Variants in SLC9C1 observed in about 807,000 individuals in gnomAD.
SLC9C1 encodes solute carrier family 9 member C1.
SLC9C1 carries 97 observed loss-of-function variants against 140.9 expected under a neutral mutation model. The observed-to-expected ratio is 0.69, with a 90% CI of 0.58 to 0.82. The LOEUF (loss-of-function observed/expected upper bound fraction) is 0.82. SLC9C1 is among the 40% of genes least tolerant of loss of function. SLC9C1 has a pLI of 0.00. For synonymous variants in SLC9C1, 440 were observed against 442.6 expected (o/e 0.99, Z 0.07); for missense variants, 1,340 against 1,389.3 (o/e 0.96, Z 0.56).
chr3:112,199,838 G>A (rs549689675), intron 19 of SLC9C1, among the ~76,000 whole-genome samples: 1 of 152,100 alleles, frequency 6.6e-6, no homozygotes, highest in Non-Finnish European at 1.5e-5. Context: ...TTTAACTACA[G>A]ATGATTTTGT....
chr3:112,237,197 C>G (rs1001843300), intron 12 of SLC9C1, among the ~76,000 whole-genome samples: 1 of 152,124 alleles, frequency 6.6e-6, no homozygotes, highest in African/African-American at 2.4e-5. Context: ...TTTTGTTGAA[C>G]TGATCCCTTT....
At chr3:112,191,207 C>T (rs1279631695) in intron 20 of SLC9C1, among the ~76,000 whole-genome samples, 1 of 152,054 alleles carries the variant, frequency 6.6e-6, no homozygotes, top group Non-Finnish European at 1.5e-5. Context: ...TCTTCTCATG[C>T]CTAACTGCTG....
intron 3 of SLC9C1, 122 bp downstream of exon 3, chr3:112,280,561 C>T: frequency 1.2e-6 from 1 of 802,460 alleles, no homozygotes; most frequent in South Asian, 1.9e-5. Flanking sequence ...AGCCACATCA[C>T]AATCATCTAT....
chr3:112,238,125 G>A (rs983133368), intron 12 of SLC9C1, among the ~76,000 whole-genome samples: 3 of 152,114 alleles, frequency 2.0e-5, no homozygotes, highest in African/African-American at 7.2e-5. Context: ...TTTTCACATA[G>A]TCCCATATTT....
At chr3:112,222,553 C>G (rs2078570760) in intron 13 of SLC9C1, among the ~76,000 whole-genome samples, 2 of 152,002 alleles carry the variant, frequency 1.3e-5, no homozygotes, top group African/African-American at 2.4e-5. Flanking sequence ...TAGAATATCA[C>G]AAGCGAAAAA....
At chr3:112,290,933 C>T (rs545478506) in intron 1 of SLC9C1, among the ~76,000 whole-genome samples, 24 of 150,434 alleles carry the variant, frequency 1.6e-4, no homozygotes, top group African/African-American at 5.9e-4. Flanking sequence ...CCATTTCTTT[C>T]GATCTTGCAT....
rs117320284 is a variant in SLC9C1, at chr3:112,291,768, T to A, written c.-88+2325A>T. Among the ~76,000 whole-genome samples the A allele has an allele frequency of 5.8e-3, 883 of 152,228 alleles. 36 individuals carry two copies. Among genetic ancestry groups the A allele is most frequent in the Admixed American group, 0.042 (635 of 15,282 alleles). On this transcript the variant is annotated intron_variant, in intron 1 of 28. Transcript: ENST00000305815. ...TTGACCCAGCAATCCCATTACGGGG[T>A]ATAAACACAAAGAAATGTAAACTGT...
chr3:112,189,713 C>T lies in SLC9C1; in HGVS notation c.2524-7455G>A, dbSNP rs13070891. Among the ~76,000 whole-genome samples, 1,149 of 152,184 alleles carry T rather than the reference C, an allele frequency of 7.6e-3. 20 individuals carry two copies. Among genetic ancestry groups the T allele is most frequent in the African/African-American group, 0.026 (1,071 of 41,500 alleles). ...TTGGCTTAGGATTGTCTTAGCAATGCGGGCTCTTTTTTGGTTCCATATGGA... is the reference window on the plus strand; with the variant it reads ...TTGGCTTAGGATTGTCTTAGCAATGTGGGCTCTTTTTTGGTTCCATATGGA... On this transcript the variant is annotated intron_variant, in intron 20 of 28. Transcript: ENST00000305815.
intron 23 of SLC9C1, among the ~76,000 whole-genome samples, chr3:112,177,659 A>G (rs1048407863): frequency 1.3e-5 from 2 of 149,678 alleles, no homozygotes; most frequent in Admixed American, 6.7e-5. Context: ...AAGTTTACCT[A>G]TATAACAAAC....
intron 23 of SLC9C1, among the ~76,000 whole-genome samples, chr3:112,174,505 G>A (rs905931374): frequency 6.6e-6 from 1 of 152,160 alleles, no homozygotes; most frequent in East Asian, 1.9e-4. Context: ...AGGGAGCGGG[G>A]GTGCAGTTGT....
At position 112,208,187 on chromosome 3, in the gene SLC9C1, T is replaced by C. The variant is rs745614837; in HGVS notation, c.1977A>G (p.Ala659=). The change falls in exon 16 of 29, where the codon GCA becomes GCG. Residue 659 remains alanine (A), a synonymous_variant. Transcript: ENST00000305815. ...ATAAATTTTAGATTACCTTAAGTAG[T>C]GCCTCTAGAATATAAAGTGTAAGAA... is the stretch of plus-strand genomic sequence containing the variant. ...YCFLTLYILE[A]LLKIAAMRKD... is the part of the protein sequence containing the mutation. 3.7e-6 allele frequency: 6 copies of C among 1,602,070 alleles called. No homozygotes were observed. The highest frequency in any genetic ancestry group is 5.1e-6 in the Non-Finnish European group (6 of 1,175,344).
At position 112,292,989 on chromosome 3, in the gene SLC9C1, CT is replaced by C. The variant is rs754974835; in HGVS notation, c.-88+1103del. Among the ~76,000 whole-genome samples, 78 of 78,016 alleles carry C rather than the reference CT, an allele frequency of 1.0e-3. 1 individual carries two copies. Among genetic ancestry groups the C allele is most frequent in the Non-Finnish European group, 1.9e-3 (66 of 33,988 alleles). The allele number at this position is 78,016 out of a possible 152,430, so 51.2% of individuals were successfully genotyped here. Reference sequence around the variant, plus strand: ...ATTAATTTAACAATAAGTTAGTTGACTGAGCACAGTGGCTCACGCCTGTAAT... The same window carrying C: ...ATTAATTTAACAATAAGTTAGTTGACGAGCACAGTGGCTCACGCCTGTAAT... On this transcript the variant is annotated intron_variant, in intron 1 of 28. Coordinates refer to ENST00000305815, the MANE Select transcript of SLC9C1 (RefSeq NM_183061.3).
At chr3:112,205,546 AAAC>A (rs1295020555) in intron 16 of SLC9C1, among the ~76,000 whole-genome samples, 1 of 86,254 alleles carries the variant, frequency 1.2e-5, no homozygotes, top group Non-Finnish European at 2.5e-5. Context: ...GAATTGGAAA[AAAC>A]TACTTTAAAG....
chr3:112,293,384 G>A (rs1383215794), intron 1 of SLC9C1, among the ~76,000 whole-genome samples: 1 of 152,100 alleles, frequency 6.6e-6, no homozygotes, highest in Non-Finnish European at 1.5e-5. Flanking sequence ...ATTTGTCCTT[G>A]TCAGTCAGCC....
At chr3:112,159,027 C>G (rs1256941704) in intron 26 of SLC9C1, among the ~76,000 whole-genome samples, 1 of 150,386 alleles carries the variant, frequency 6.6e-6, no homozygotes, top group African/African-American at 2.4e-5. Flanking sequence ...ATTATTTATT[C>G]TCTTCTACTA....
intron 8 of SLC9C1, among the ~76,000 whole-genome samples, chr3:112,265,368 C>T (rs2079888568): frequency 2.6e-5 from 4 of 152,076 alleles, no homozygotes; most frequent in Admixed American, 2.6e-4. Context: ...ATTCTTCCCT[C>T]AGCTGTGGTC....
In SLC9C1 at chr3:112,168,911, C is replaced by G. The variant is rs1338816873; in HGVS notation, c.3203G>C (p.Arg1068Thr). 3.1e-6 allele frequency: 5 copies of G among 1,601,480 alleles called. No homozygotes were observed. The highest frequency in any genetic ancestry group is 3.4e-6 in the Non-Finnish European group (4 of 1,176,288). ...TGTTATAGGAATTAAGAAAGGTGCTCTATAAGTTTTTCGTAACAGACAATC... is the reference window on the plus strand; with the variant it reads ...TGTTATAGGAATTAAGAAAGGTGCTGTATAAGTTTTTCGTAACAGACAATC... ...VEDCLLRKTY[R>T]APFLIPITCH... The change falls in exon 25 of 29, where the codon AGA becomes ACA. Residue 1068 changes from arginine (R) to threonine (T), a missense_variant. Transcript: ENST00000305815.
Position 112,277,844 on chromosome 3 carries a change from A to G in SLC9C1, c.335T>C (p.Ile112Thr). The change falls in exon 5 of 29, where the codon ATT (isoleucine) becomes ACT (threonine). Residue 112 changes from isoleucine to threonine, a missense_variant. Physicochemically the swap from Ile to Thr is moderately conservative, Grantham distance 89. Transcript: ENST00000305815. ...KLFWQILLIS[I>T]PGFLVNYILV... is the part of the protein sequence containing the mutation. ...GATATAATTAACCAAAAAGCCGGGA[A>G]TTGAAATTAAAAGTATCTGCAAAGA... The G allele has an allele frequency of 6.3e-7, 1 of 1,596,854 alleles. No homozygotes were observed. Among genetic ancestry groups the G allele is most frequent in the African/African-American group, 1.4e-5 (1 of 73,818 alleles).
intron 26 of SLC9C1, among the ~76,000 whole-genome samples, chr3:112,165,096 T>G (rs936712219): frequency 2.0e-5 from 3 of 152,232 alleles, no homozygotes; most frequent in African/African-American, 4.8e-5. Context: ...CATCACGTAG[T>G]TCTTGTGCCA....
Sources: allele counts gnomAD v4.1 joint callset (sites outside exome capture counted in the v4.1 genomes callset), GRCh38; gene constraint gnomAD v4.1.1; transcripts MANE v1.5; gene names NCBI Gene and HGNC (gene_info 2026-07-23, HGNC 2026-07-21).